The following BRSK2 variants were observed in gnomAD, a reference collection of about 807,000 sequenced individuals.
BRSK2 encodes the protein BR serine/threonine kinase 2, also known as serine/threonine-protein kinase BRSK2.
BRSK2 carries 19 observed loss-of-function variants against 83.3 expected under a neutral mutation model. The observed-to-expected ratio is 0.23, with a 90% CI of 0.16 to 0.33. BRSK2 has a LOEUF of 0.33. Ranked by LOEUF, BRSK2 falls within the 10% of genes least tolerant of loss-of-function variation. BRSK2 has a pLI of 1.00. For synonymous variants in BRSK2, 519 were observed against 435.4 expected (o/e 1.19, Z -2.39); for missense variants, 798 against 1,042.3 (o/e 0.77, Z 3.23).
intron 18 of BRSK2, among the ~76,000 whole-genome samples, chr11:1,457,470 C>T (rs536595965): frequency 2.0e-4 from 31 of 152,270 alleles, no homozygotes; most frequent in Middle Eastern, 3.4e-3. Flanking sequence ...CCGTGCCACT[C>T]GGCATACGGC....
chr11:1,407,280 C>G (rs1303350540), intron 1 of BRSK2, among the ~76,000 whole-genome samples: 6 of 152,168 alleles, frequency 3.9e-5, no homozygotes, highest in African/African-American at 1.4e-4. Context: ...CTGGCCACCT[C>G]TGCTGTGTCC....
At chr11:1,455,453 G>A (rs1846390392) in intron 16 of BRSK2, among the ~76,000 whole-genome samples, 1 of 151,966 alleles carries the variant, frequency 6.6e-6, no homozygotes, top group Admixed American at 6.5e-5. Flanking sequence ...TCTAGCTAGG[G>A]ACTGGCCCCC....
At position 1,394,460 on chromosome 11, in the gene BRSK2, C is replaced by T. The variant is rs1291293952; in HGVS notation, c.91+4085C>T. Among the ~76,000 whole-genome samples the T allele has an allele frequency of 9.8e-4, 62 of 63,582 alleles. 2 individuals carry two copies. Among genetic ancestry groups the T allele is most frequent in the African/African-American group, 4.9e-3 (52 of 10,514 alleles). 41.7% of individuals were successfully genotyped at this position (63,582 alleles called of 152,430 possible). A position where few individuals can be genotyped will look rare whatever the true frequency, so the allele number is the denominator to read the frequency against. On this transcript the variant is annotated intron_variant, in intron 1 of 19. Transcript: ENST00000528841. Reference sequence around the variant, plus strand: ...CCTGGAGATGGGTCCTGGAGATGGGCCATGGAGATGGGTCCTGGAGATGGG... The same window carrying T: ...CCTGGAGATGGGTCCTGGAGATGGGTCATGGAGATGGGTCCTGGAGATGGG...
At chr11:1,406,764 G>T (rs1018157794) in intron 1 of BRSK2, among the ~76,000 whole-genome samples, 5 of 152,228 alleles carry the variant, frequency 3.3e-5, no homozygotes, top group Non-Finnish European at 7.3e-5. Flanking sequence ...CACATCCCAG[G>T]GCCTGTGGTG....
intron 1 of BRSK2, among the ~76,000 whole-genome samples, chr11:1,412,028 G>A (rs1448415385): frequency 1.8e-5 from 2 of 112,416 alleles, no homozygotes; most frequent in Non-Finnish European, 1.9e-5. Flanking sequence ...GCGCCGCCCC[G>A]TCCTGCGGTG....
intron 2 of BRSK2, among the ~76,000 whole-genome samples, chr11:1,436,737 C>T (rs1252954897): frequency 6.6e-6 from 1 of 152,042 alleles, no homozygotes; most frequent in Non-Finnish European, 1.5e-5. Flanking sequence ...CACAGTGGGA[C>T]CTGGGCTGGC....
chr11:1,446,342 ACTGGGCTGAGCTGGGCAGGG>A (rs1337222345), intron 12 of BRSK2, among the ~76,000 whole-genome samples: 168 of 109,730 alleles, frequency 1.5e-3, no homozygotes, highest in African/African-American at 2.6e-3. Context: ...GACGGATTTG[ACTGGGCTGAGCTGGGCAGGG>A]CTGGGCTGAG....
chr11:1,392,003 GAT>G (rs1845757632), intron 1 of BRSK2, among the ~76,000 whole-genome samples: 1 of 152,152 alleles, frequency 6.6e-6, no homozygotes, highest in Non-Finnish European at 1.5e-5. Context: ...TGCTGAGAGA[GAT>G]ATTTAGAAAA....
chr11:1,456,999 A>G (rs1205875884), intron 18 of BRSK2: 1 of 1,596,630 alleles, frequency 6.3e-7, no homozygotes, highest in African/African-American at 1.3e-5. Flanking sequence ...TGCTGGGCTT[A>G]AGGGCCAGAA....
Position 1,445,751 on chromosome 11 carries a change from ACT to A in BRSK2, c.1076-4_1076-3del, listed in dbSNP as rs778050433. The A allele has an allele frequency of 1.2e-6, 2 of 1,611,654 alleles. No homozygotes were observed. The highest frequency in any genetic ancestry group is 3.3e-5 in the Admixed American group (2 of 59,990). ...GCTGTCTGGCCTGACCTTCGTCTGTACTCAGACCCTCCCCGGAAGCGTGTGGA... is the reference window on the plus strand; with the variant it reads ...GCTGTCTGGCCTGACCTTCGTCTGTACAGACCCTCCCCGGAAGCGTGTGGA... On this transcript the variant is annotated splice_region_variant and splice_polypyrimidine_tract_variant and intron_variant, in intron 11 of 19. Transcript: ENST00000528841.
chr11:1,457,829 CGGGCTGG>C (rs151192589), intron 18 of BRSK2, among the ~76,000 whole-genome samples: 32,737 of 151,910 alleles, frequency 0.22, 3,758 homozygotes, highest in Middle Eastern at 0.31. Context: ...CACCTTGCTG[CGGGCTGG>C]GGGCTGAGGT....
intron 1 of BRSK2, chr11:1,411,508 T>G: frequency 1.3e-6 from 2 of 1,499,096 alleles, no homozygotes; most frequent in Admixed American, 2.1e-5. Flanking sequence ...GGCCCAGCGG[T>G]GGGCAGGGGA....
chr11:1,461,975 C>G lies in BRSK2; in HGVS notation c.*1252C>G, dbSNP rs1166779113. 1 of 152,134 alleles carries G rather than the reference C, an allele frequency of 6.6e-6. No individual in the cohort carries two copies. The highest frequency in any genetic ancestry group is 1.5e-5 in the Non-Finnish European group (1 of 68,014). The allele number at this position is 152,134 out of a possible 1,614,324, so 9.4% of individuals were successfully genotyped here. The stretch of plus-strand genomic sequence containing the variant: ...AGCGGGCGGCAGCGCCAGCGCCCCT[C>G]TGTCAGGCTGGGGCAATCTTGGTTT... On this transcript the variant is annotated 3_prime_UTR_variant, in exon 20 of 20. Coordinates refer to ENST00000528841, the MANE Select transcript of BRSK2 (RefSeq NM_001256627.2).
chr11:1,411,402 C>T (rs1323807044), intron 1 of BRSK2: 5 of 1,464,450 alleles, frequency 3.4e-6, no homozygotes, highest in East Asian at 5.2e-5. Context: ...CCAGCCTCAC[C>T]CCATGAGCCC....
intron 15 of BRSK2, among the ~76,000 whole-genome samples, chr11:1,452,626 A>T (rs1255655182): frequency 1.3e-5 from 2 of 150,186 alleles, no homozygotes; most frequent in South Asian, 4.2e-4. Flanking sequence ...AGGGCCCGGC[A>T]CAGACACCCC....
intron 2 of BRSK2, among the ~76,000 whole-genome samples, chr11:1,436,901 A>G (rs11027445): frequency 0.82 from 124,732 of 151,692 alleles, 52,181 homozygotes; most frequent in African/African-American, 0.96. Context: ...GGAAGGTGCT[A>G]AGGGTTGGGG....
chr11:1,399,986 A>G (rs74217051), intron 1 of BRSK2, among the ~76,000 whole-genome samples: 2 of 152,234 alleles, frequency 1.3e-5, no homozygotes, highest in East Asian at 1.9e-4. Flanking sequence ...TTACGCAGGA[A>G]TAGTCCCAGC....
chr11:1,455,968 C>T (rs1411111195), intron 16 of BRSK2, among the ~76,000 whole-genome samples: 3 of 152,136 alleles, frequency 2.0e-5, no homozygotes, highest in African/African-American at 7.2e-5. Context: ...TCAGTGGCAG[C>T]TCCCAGACCC....
rs1169000844 is a variant in BRSK2 at position 1,454,263 on chromosome 11, A to AGGGTTG, written c.1545-210_1545-205dup. The AGGGTTG allele has an allele frequency of 8.2e-6, 4 of 489,510 alleles. No individual in the cohort carries two copies. The highest frequency in any genetic ancestry group is 3.8e-5 in the East Asian group (1 of 26,180). 30.3% of individuals were successfully genotyped at this position (489,510 alleles called of 1,614,324 possible). A position where few individuals can be genotyped will look rare whatever the true frequency, so the allele number is the denominator to read the frequency against. On this transcript the variant is annotated intron_variant, in intron 15 of 19. Transcript: ENST00000528841. This position sits in a 1 kb window ranked among gnomAD's most constrained non-coding sequence, Gnocchi z 5.2. ...GGGCGTTAGGGCTTGGAGAAAGGTT[A>AGGGTTG]GGGTTGGGGTTGGGGTTAGAGCCAC... is the stretch of plus-strand genomic sequence containing the variant.
Sources: gnomAD v4.1 joint callset for allele counts (sites outside exome capture counted in the v4.1 genomes callset) on GRCh38, gnomAD v4.1.1 for gene constraint, Gnocchi (gnomAD v3.1) non-coding constraint, MANE v1.5 for transcripts, NCBI Gene and HGNC (gene_info 2026-07-23, HGNC 2026-07-21) for gene names.